SDHA: variants seen among roughly 807,000 people sequenced by gnomAD.
SDHA encodes the protein succinate dehydrogenase [ubiquinone] flavoprotein subunit, mitochondrial.
Under a neutral mutation model 78.4 loss-of-function variants are expected in SDHA, and 48 were observed. That is an observed-to-expected ratio of 0.61 (90% confidence interval 0.49 to 0.78). The LOEUF is 0.78. SDHA is among the 30% of genes least tolerant of loss of function. The probability of loss-of-function intolerance (pLI) is 0.00; values close to 1 mark genes in which losing one functional copy is unlikely to be tolerated. For missense variants in SDHA, 680 were observed against 892.7 expected, an observed-to-expected ratio of 0.76 and a Z score of 3.04; for synonymous variants, 326 against 353.9, an observed-to-expected ratio of 0.92 and a Z score of 0.88.
chr5:256,218 C>A (rs879761636), intron 14 of SDHA, 116 bp from the exon 15 acceptor site: 36 of 812,910 alleles, frequency 4.4e-5, no homozygotes, highest in Non-Finnish European at 7.7e-5. Flanking sequence ...CACTGAGAAT[C>A]TTAAAGTTCA....
At position 235,051 on chromosome 5, in the gene SDHA, A is replaced by G. The variant is rs1053388783; in HGVS notation, c.1065-93A>G. ...GGGAAATTTTCCTCAGTATCAAAAC[A>G]TGTTGAAACTCACACACTTCCAAGA... On this transcript the variant is annotated intron_variant, in intron 8 of 14. Coordinates refer to ENST00000264932, the MANE Select transcript of SDHA (RefSeq NM_004168.4). 3.1e-6 allele frequency: 4 copies of G among 1,271,594 alleles called. No individual in the cohort carries two copies. The African/African-American group carries it at 4.4e-5, about 14-fold the overall frequency. The allele number at this position is 1,271,594 out of a possible 1,614,324, so 78.8% of individuals were successfully genotyped here.
rs1246481498 is a variant in SDHA, at chr5:237,673, G to C, written c.1432+1074G>C. 2.2e-5 allele frequency among the ~76,000 whole-genome samples: 3 copies of C among 134,448 alleles called. 1 individual carries two copies. The highest frequency in any genetic ancestry group is 4.5e-5 in the Non-Finnish European group (3 of 66,284). The allele number at this position is 134,448 out of a possible 152,430, so 88.2% of individuals were successfully genotyped here. A position where few individuals can be genotyped will look rare whatever the true frequency, so the allele number is the denominator to read the frequency against. On this transcript the variant is annotated intron_variant, in intron 10 of 14. Coordinates refer to ENST00000264932, the MANE Select transcript of SDHA (RefSeq NM_004168.4). ...TACCTTTCTCTGGTGTTAACTGTTA[G>C]CATCATTTCTGCTGTTTTTATACAA...
chr5:255,193 G>A (rs796978791), intron 14 of SDHA, among the ~76,000 whole-genome samples: 3 of 151,910 alleles, frequency 2.0e-5, no homozygotes, highest in South Asian at 2.1e-4. Context: ...TGGCATTTCC[G>A]CTGGGCATTA....
At chr5:255,213 A>G (rs983626881) in intron 14 of SDHA, among the ~76,000 whole-genome samples, 1 of 152,050 alleles carries the variant, frequency 6.6e-6, no homozygotes, top group African/African-American at 2.4e-5. Flanking sequence ...AAGATTCAGA[A>G]ATAATGAAGA....
At chr5:221,602 T>A (rs1471303894) in intron 1 of SDHA, among the ~76,000 whole-genome samples, 1 of 152,060 alleles carries the variant, frequency 6.6e-6, no homozygotes, top group Non-Finnish European at 1.5e-5. Flanking sequence ...TTAAGCAAGG[T>A]CTAAGTATTC....
chr5:245,149 G>C (rs1038744872), intron 11 of SDHA, among the ~76,000 whole-genome samples: 1 of 152,142 alleles, frequency 6.6e-6, no homozygotes, highest in African/African-American at 2.4e-5. Context: ...GGGACACATA[G>C]CTCCAACATT....
At chr5:229,562 CAG>C (rs1735251127) in intron 6 of SDHA, among the ~76,000 whole-genome samples, 1 of 152,226 alleles carries the variant, frequency 6.6e-6, no homozygotes, top group African/African-American at 2.4e-5. Context: ...CTCACAGAAA[CAG>C]AGTAGGACAG....
chr5:264,843 A>G, the SDHA span, among the ~76,000 whole-genome samples: 1 of 152,238 alleles, frequency 6.6e-6, no homozygotes, highest in African/African-American at 2.4e-5. Context: ...TACTTGTCTT[A>G]TTGGTATTAA....
chr5:226,123 G>T (rs1293544002), intron 5 of SDHA, 76 bp downstream of exon 5: 1 of 1,515,878 alleles, frequency 6.6e-7, no homozygotes, highest in Admixed American at 1.8e-5. Flanking sequence ...ATGGGTTAGC[G>T]TGCCCAGTGA....
At chr5:239,906 A>C (rs1233750205) in intron 10 of SDHA, among the ~76,000 whole-genome samples, 2 of 151,546 alleles carry the variant, frequency 1.3e-5, no homozygotes, top group East Asian at 3.9e-4. Flanking sequence ...AGTAGCTGGG[A>C]TTATAGACGC....
chr5:233,188 C>T (rs533150804), intron 7 of SDHA, among the ~76,000 whole-genome samples: 6 of 152,292 alleles, frequency 3.9e-5, no homozygotes, highest in East Asian at 1.9e-4. Flanking sequence ...AGGCATCCAA[C>T]GTACACTGGG....
chr5:226,328 A>G (rs1267472562), intron 5 of SDHA, among the ~76,000 whole-genome samples: 1 of 152,148 alleles, frequency 6.6e-6, no homozygotes, highest in Non-Finnish European at 1.5e-5. Flanking sequence ...GTGACACTCA[A>G]CATACAAGAG....
chr5:254,036 G>C (rs1399387337), intron 13 of SDHA, among the ~76,000 whole-genome samples: 1 of 150,630 alleles, frequency 6.6e-6, no homozygotes, highest in African/African-American at 2.5e-5. Context: ...GCCAGACCCT[G>C]TCTCAAAAAA....
In SDHA at chr5:218,335, T is replaced by A; in HGVS notation, c.-21T>A. 1.4e-6 allele frequency: 2 copies of A among 1,443,132 alleles called. No individual in the cohort carries two copies. The highest frequency in any genetic ancestry group is 2.5e-4 in the Middle Eastern group (1 of 3,948). 89.4% of individuals were successfully genotyped at this position (1,443,132 alleles called of 1,614,324 possible). A position where few individuals can be genotyped will look rare whatever the true frequency, so the allele number is the denominator to read the frequency against. On this transcript the variant is annotated 5_prime_UTR_variant, in exon 1 of 15. Coordinates refer to ENST00000264932, the MANE Select transcript of SDHA (RefSeq NM_004168.4). ...CAGTCTGCGCAGGGACTGGCGGGAC[T>A]GCGCGGCGGCAACAGCAGACATGTC...
Position 251,106 on chromosome 5 carries a change from G to A in SDHA, c.1663+3G>A. On this transcript the variant is annotated splice_donor_region_variant and intron_variant, in intron 12 of 14. Transcript: ENST00000264932. ...GCACCTGAAGACGTTCGACCGGGGT[G>A]AGCAGACAGTGGGCTCTGTGCACAC... 3 of 1,611,284 alleles carry A rather than the reference G, an allele frequency of 1.9e-6. No individual in the cohort carries two copies. The highest frequency in any genetic ancestry group is 2.2e-5 in the East Asian group (1 of 44,872).
chr5:256,591 C>T lies in SDHA; in HGVS notation c.*171C>T. The T allele has an allele frequency of 1.5e-6, 1 of 675,464 alleles. No homozygotes were observed. Among genetic ancestry groups the T allele is most frequent in the Non-Finnish European group, 2.7e-6 (1 of 367,112 alleles). 41.8% of individuals were successfully genotyped at this position (675,464 alleles called of 1,614,324 possible). On this transcript the variant is annotated 3_prime_UTR_variant, in exon 15 of 15. Coordinates refer to ENST00000264932, the MANE Select transcript of SDHA (RefSeq NM_004168.4). ...GGGAGCTTGCCAGGAACCCAGTGGC[C>T]AGGGAGCGTGGCACTTACCTTTGTC...
chr5:250,259 G>A (rs568939525), intron 11 of SDHA: 8 of 153,418 alleles, frequency 5.2e-5, no homozygotes, highest in African/African-American at 1.9e-4. Flanking sequence ...GAGAAAATTA[G>A]GGTCAGTGGA....
chr5:250,095 T>A (rs983185733), intron 11 of SDHA: 2 of 152,236 alleles, frequency 1.3e-5, no homozygotes, highest in African/African-American at 4.8e-5. Context: ...CATGAAAGAA[T>A]GTAATACTAG....
At position 223,521 on chromosome 5, in the gene SDHA, T is replaced by C. The variant is rs765434536; in HGVS notation, c.103T>C (p.Phe35Leu). The C allele has an allele frequency of 1.9e-6, 3 of 1,613,908 alleles. No individual in the cohort carries two copies. Among genetic ancestry groups the C allele is most frequent in the Admixed American group, 1.7e-5 (1 of 60,012 alleles). The change falls in exon 2 of 15, where the codon TTC becomes CTC. Residue 35 changes from phenylalanine to leucine, a missense_variant. Phe to Leu is a conservative substitution (Grantham distance 22). Transcript: ENST00000264932. ...VLQTGTRGFHFTVDGNKRASA... is the reference protein window; with the variant it reads ...VLQTGTRGFHLTVDGNKRASA... ...GCAAACAGGAACCCGAGGTTTTCACTTCACTGTTGATGGGAACAAGAGGGC... is the reference window on the plus strand; with the variant it reads ...GCAAACAGGAACCCGAGGTTTTCACCTCACTGTTGATGGGAACAAGAGGGC...
Sources: gnomAD v4.1 joint callset for allele counts (sites outside exome capture counted in the v4.1 genomes callset) on GRCh38, gnomAD v4.1.1 for gene constraint, MANE v1.5 for transcripts, NCBI Gene and HGNC (gene_info 2026-07-23, HGNC 2026-07-21) for gene names.